Variants in OR56B2 observed in about 807,000 individuals in gnomAD.
The protein encoded by OR56B2 is olfactory receptor 56B2.
chr11:5,762,203 T>C, the OR56B2 span, among the ~76,000 whole-genome samples: 2 of 146,340 alleles, frequency 1.4e-5, no homozygotes, highest in Non-Finnish European at 3.0e-5. Context: ...ATGCCACATG[T>C]ATTTTTTTTC....
At chr11:5,763,652 C>A in the OR56B2 span, among the ~76,000 whole-genome samples, 1 of 140,006 alleles carries the variant, frequency 7.1e-6, no homozygotes, top group African/African-American at 2.6e-5. Context: ...ATAGCCCTAA[C>A]CTCCTCATAA....
chr11:5,761,865 C>CA, the OR56B2 span, among the ~76,000 whole-genome samples: 10 of 152,028 alleles, frequency 6.6e-5, no homozygotes, highest in Non-Finnish European at 1.5e-4. Context: ...AGAATAGAAT[C>CA]AAGAATCCTA....
the OR56B2 span, among the ~76,000 whole-genome samples, chr11:5,761,808 A>T: frequency 6.6e-6 from 1 of 152,158 alleles, no homozygotes; most frequent in South Asian, 2.1e-4. Context: ...ATTTTAATAG[A>T]ATTGTTAACA....
chr11:5,766,254 G>T, the OR56B2 span: 1 of 139,928 alleles, frequency 7.1e-6, no homozygotes, highest in Non-Finnish European at 1.6e-5. Flanking sequence ...ATCACAAAGG[G>T]TAACAGTGAT....
At chr11:5,767,018 A>G in the OR56B2 span, 1 of 140,308 alleles carries the variant, frequency 7.1e-6, no homozygotes, top group African/African-American at 2.6e-5. Flanking sequence ...TTACAACAGA[A>G]TACCTAATAC....
At chr11:5,764,789 T>A in the OR56B2 span, among the ~76,000 whole-genome samples, 1 of 139,720 alleles carries the variant, frequency 7.2e-6, no homozygotes, top group African/African-American at 2.6e-5. Flanking sequence ...ACTTTCAACT[T>A]GTCCTGCTCC....
the OR56B2 span, among the ~76,000 whole-genome samples, chr11:5,762,231 C>G: frequency 6.6e-6 from 1 of 151,832 alleles, no homozygotes; most frequent in Admixed American, 6.6e-5. Flanking sequence ...ATCTATTGAA[C>G]AGTGGACCCT....
At chr11:5,766,074 T>C in the OR56B2 span, 45 of 140,740 alleles carry the variant, frequency 3.2e-4, 6 homozygotes, top group African/African-American at 1.1e-3. Context: ...GGAAAAGATA[T>C]TCATTTTTTG....
the OR56B2 span, among the ~76,000 whole-genome samples, chr11:5,762,365 A>T: frequency 6.6e-6 from 1 of 152,028 alleles, no homozygotes; most frequent in Non-Finnish European, 1.5e-5. Context: ...CCCTTGCTAA[A>T]TTTTTCTAAA....
At chr11:5,768,749 A>T in the OR56B2 span, among the ~76,000 whole-genome samples, 3 of 140,318 alleles carry the variant, frequency 2.1e-5, 1 homozygote, top group South Asian at 4.6e-4. Context: ...TGTAAATTAA[A>T]AGAACATAGA....
the OR56B2 span, among the ~76,000 whole-genome samples, chr11:5,768,796 A>G: frequency 7.1e-6 from 1 of 140,228 alleles, no homozygotes; most frequent in African/African-American, 2.6e-5. Context: ...GAAGTGTGTA[A>G]AACACATAAT....
the OR56B2 span, among the ~76,000 whole-genome samples, chr11:5,762,247 C>T: frequency 6.6e-6 from 1 of 151,966 alleles, no homozygotes; most frequent in East Asian, 1.9e-4. Flanking sequence ...ACCCTTACTT[C>T]ATTGAAGAAA....
chr11:5,762,481 T>A, the OR56B2 span, among the ~76,000 whole-genome samples: 1 of 152,108 alleles, frequency 6.6e-6, no homozygotes, highest in Non-Finnish European at 1.5e-5. Flanking sequence ...AAAGCATCAC[T>A]GATATTCATG....
chr11:5,762,989 T>C, the OR56B2 span, among the ~76,000 whole-genome samples: 3 of 152,062 alleles, frequency 2.0e-5, no homozygotes, highest in South Asian at 6.2e-4. Context: ...ACTAATTTTA[T>C]ATATGACATT....
At chr11:5,762,572 C>T in the OR56B2 span, among the ~76,000 whole-genome samples, 1 of 151,888 alleles carries the variant, frequency 6.6e-6, no homozygotes, top group Non-Finnish European at 1.5e-5. Context: ...TACAAATATA[C>T]AGTTATATAG....
At chr11:5,768,379 C>T in the OR56B2 span, among the ~76,000 whole-genome samples, 1 of 139,894 alleles carries the variant, frequency 7.1e-6, no homozygotes, top group Admixed American at 7.4e-5. Flanking sequence ...AATCTATGCA[C>T]GTTGCTGCAA....
the OR56B2 span, among the ~76,000 whole-genome samples, chr11:5,762,419 A>G: frequency 6.6e-6 from 1 of 152,034 alleles, no homozygotes; most frequent in Non-Finnish European, 1.5e-5. Flanking sequence ...ATAATTTTGC[A>G]TGTTGTTTTA....
chr11:5,761,644 G>C, the OR56B2 span, among the ~76,000 whole-genome samples: 25,725 of 151,916 alleles, frequency 0.17, 2,335 homozygotes, highest in East Asian at 0.25. Context: ...CTCCAGCTCC[G>C]TTGAGTTTTT....
chr11:5,768,470 T>C, the OR56B2 span, among the ~76,000 whole-genome samples: 2 of 139,928 alleles, frequency 1.4e-5, 1 homozygote, highest in Admixed American at 1.5e-4. Flanking sequence ...CAGTCATCTG[T>C]TGATGGACAC....
Sources: allele counts gnomAD v4.1 joint callset (sites outside exome capture counted in the v4.1 genomes callset), GRCh38; gene constraint gnomAD v4.1.1; transcripts MANE v1.5; gene names NCBI Gene and HGNC (gene_info 2026-07-23, HGNC 2026-07-21).